AEBP2: variants seen among roughly 807,000 people sequenced by gnomAD.
The protein encoded by AEBP2 is zinc finger protein AEBP2.
AEBP2 carries 10 observed loss-of-function variants against 50.8 expected under a neutral mutation model. That is an observed-to-expected ratio of 0.20 (90% CI 0.12 to 0.33). The LOEUF (loss-of-function observed/expected upper bound fraction) is 0.33. AEBP2 is among the 10% of genes least tolerant of loss of function. The pLI, the probability that AEBP2 is intolerant of heterozygous loss-of-function variation, is 1.00. For synonymous variants in AEBP2, 296 were observed against 261.3 expected (o/e 1.13, Z -1.28); for missense variants, 570 against 688.0 (o/e 0.83, Z 1.92).
chr12:19,508,739 AAAAC>A (rs1949190474), intron 5 of AEBP2, among the ~76,000 whole-genome samples: 1 of 152,226 alleles, frequency 6.6e-6, no homozygotes, highest in Admixed American at 6.5e-5. Context: ...CATTTAAAAT[AAAAC>A]CAACTACAGC....
chr12:19,463,183 C>G (rs1054983509), intron 2 of AEBP2, among the ~76,000 whole-genome samples: 1 of 152,156 alleles, frequency 6.6e-6, no homozygotes, highest in Non-Finnish European at 1.5e-5. Context: ...GAGAATTGAT[C>G]ATCTTTCCCA....
intron 3 of AEBP2, among the ~76,000 whole-genome samples, chr12:19,484,983 A>G (rs1379999014): frequency 6.6e-6 from 1 of 152,158 alleles, no homozygotes; most frequent in Non-Finnish European, 1.5e-5. Flanking sequence ...TCTAATGTGT[A>G]GTTGGTAGTA....
chr12:19,518,005 A>T, intron 7 of AEBP2, 82 bp from the exon 8 acceptor site: 1 of 1,275,784 alleles, frequency 7.8e-7, no homozygotes, highest in Non-Finnish European at 1.1e-6. Context: ...CCTGTATCTT[A>T]TTAATATTTT....
chr12:19,465,026 C>T (rs916115447), intron 2 of AEBP2, among the ~76,000 whole-genome samples: 2 of 152,080 alleles, frequency 1.3e-5, no homozygotes, highest in African/African-American at 4.8e-5. Flanking sequence ...AAAAATCTCC[C>T]ATGTGATTTC....
chr12:19,457,702 T>C (rs1764744466), intron 1 of AEBP2: 3 of 1,114,274 alleles, frequency 2.7e-6, no homozygotes, highest in South Asian at 5.3e-5. Context: ...GCAAACCCAT[T>C]GTGAAAAGAA....
chr12:19,504,352 A>C (rs1949124567), intron 5 of AEBP2, among the ~76,000 whole-genome samples: 1 of 149,952 alleles, frequency 6.7e-6, no homozygotes, highest in African/African-American at 2.5e-5. Context: ...CTCCTGCCTC[A>C]GCCTCCCGAG....
Position 19,439,549 on chromosome 12 carries a change from G to A in AEBP2, c.-151G>A. The A allele has an allele frequency of 9.8e-7, 1 of 1,024,690 alleles. No homozygotes were observed. The highest frequency in any genetic ancestry group is 1.3e-6 in the Non-Finnish European group (1 of 741,454). 63.5% of individuals were successfully genotyped at this position (1,024,690 alleles called of 1,614,324 possible). On this transcript the variant is annotated 5_prime_UTR_variant, in exon 1 of 8. It adds an upstream start codon to the 5' untranslated region. Coordinates refer to ENST00000266508, the MANE Select transcript of AEBP2 (RefSeq NM_153207.5). Reference sequence around the variant, plus strand: ...TGTCCCCGCGCGGGCTCCGTAGCGCGTGTGCAGGCTGACGCAGCTCGCGGG... The same window carrying A: ...TGTCCCCGCGCGGGCTCCGTAGCGCATGTGCAGGCTGACGCAGCTCGCGGG...
In AEBP2 at chr12:19,433,978, C is replaced by T. The variant is rs185724902; in HGVS notation, c.-16-28532C>T. On this transcript the variant is annotated intron_variant, in intron 1 of 3. Coordinates refer to the AEBP2 transcript ENST00000538425. The stretch of plus-strand genomic sequence containing the variant: ...TCCTCTGCCTCAGCCTCCCTAGTAG[C>T]CGGGACTACAGGCACACGCCACCAT... Among the ~76,000 whole-genome samples the T allele has an allele frequency of 2.4e-3, 371 of 151,900 alleles. 1 individual carries two copies. The highest frequency in any genetic ancestry group is 7.8e-3 in the African/African-American group (325 of 41,446).
chr12:19,516,184 A>G (rs1420165102), intron 7 of AEBP2, among the ~76,000 whole-genome samples: 1 of 152,232 alleles, frequency 6.6e-6, no homozygotes, highest in African/African-American at 2.4e-5. Context: ...AAGGAGAAGA[A>G]GATTGAGAGT....
rs181554175 is a variant in AEBP2 at position 19,422,589 on chromosome 12, C to T, written c.-17+18373C>T. Among the ~76,000 whole-genome samples the T allele has an allele frequency of 8.1e-4, 123 of 152,000 alleles. 1 individual carries two copies. The highest frequency in any genetic ancestry group is 2.9e-3 in the African/African-American group (119 of 41,484). On this transcript the variant is annotated intron_variant, in intron 1 of 3. Coordinates refer to the AEBP2 transcript ENST00000538425. Reference sequence around the variant, plus strand: ...TTGGCTCACTGCAACGTCCACCTCCCGGATTCAAGCGATTCTCCTGCCTCA... The same window carrying T: ...TTGGCTCACTGCAACGTCCACCTCCTGGATTCAAGCGATTCTCCTGCCTCA...
chr12:19,468,201 T>C (rs1368619318), intron 2 of AEBP2, among the ~76,000 whole-genome samples: 1 of 150,556 alleles, frequency 6.6e-6, no homozygotes, highest in Non-Finnish European at 1.5e-5. Context: ...TCCAAGCTAG[T>C]CTTACTATGT....
Position 19,439,548 on chromosome 12 carries a change from C to T in AEBP2, c.-152C>T, listed in dbSNP as rs1947901186. The T allele has an allele frequency of 4.0e-6, 4 of 1,011,778 alleles. No individual in the cohort carries two copies. The highest frequency in any genetic ancestry group is 5.5e-6 in the Non-Finnish European group (4 of 729,720). The allele number at this position is 1,011,778 out of a possible 1,614,324, so 62.7% of individuals were successfully genotyped here. A position where few individuals can be genotyped will look rare whatever the true frequency, so the allele number is the denominator to read the frequency against. ...CTGTCCCCGCGCGGGCTCCGTAGCGCGTGTGCAGGCTGACGCAGCTCGCGG... is the reference window on the plus strand; with the variant it reads ...CTGTCCCCGCGCGGGCTCCGTAGCGTGTGTGCAGGCTGACGCAGCTCGCGG... On this transcript the variant is annotated 5_prime_UTR_variant, in exon 1 of 8. Transcript: ENST00000266508.
intron 4 of AEBP2, among the ~76,000 whole-genome samples, chr12:19,496,750 C>T (rs907793804): frequency 3.3e-5 from 5 of 151,320 alleles, no homozygotes; most frequent in African/African-American, 9.7e-5. Context: ...CAGCCTCGAC[C>T]TCCTGGGCTC....
intron 1 of AEBP2, among the ~76,000 whole-genome samples, chr12:19,433,057 T>C (rs1218439297): frequency 5.3e-5 from 8 of 151,986 alleles, no homozygotes; most frequent in Non-Finnish European, 1.2e-4. Context: ...TGTAGAACAG[T>C]GATTCTCAAT....
intron 1 of AEBP2, among the ~76,000 whole-genome samples, chr12:19,425,274 G>A (rs1481388706): frequency 1.3e-5 from 2 of 152,160 alleles, no homozygotes; most frequent in African/African-American, 4.8e-5. Flanking sequence ...AGAGATTACT[G>A]CTAATAAATT....
chr12:19,462,460 C>CA (rs1360966713), intron 1 of AEBP2, 50 bp from the exon 2 acceptor site: 2 of 1,414,070 alleles, frequency 1.4e-6, no homozygotes, highest in Non-Finnish European at 2.0e-6. Flanking sequence ...AGATCATATT[C>CA]ATGTTAGTGA....
chr12:19,407,119 T>C (rs1172756346), intron 1 of AEBP2, among the ~76,000 whole-genome samples: 1 of 152,026 alleles, frequency 6.6e-6, no homozygotes, highest in African/African-American at 2.4e-5. Flanking sequence ...ATGAACAACA[T>C]AGCGAAACCC....
intron 2 of AEBP2, among the ~76,000 whole-genome samples, chr12:19,463,017 G>T (rs1948405020): frequency 6.6e-6 from 1 of 152,156 alleles, no homozygotes; most frequent in Non-Finnish European, 1.5e-5. Context: ...CTGATGTTTT[G>T]AGTTGAGAAC....
intron 4 of AEBP2, among the ~76,000 whole-genome samples, chr12:19,497,835 G>A (rs956800260): frequency 1.3e-5 from 2 of 152,122 alleles, no homozygotes; most frequent in Admixed American, 6.5e-5. Flanking sequence ...CAGTCTTAAC[G>A]TATGTAATTT....
Sources: gnomAD v4.1 joint callset for allele counts (sites outside exome capture counted in the v4.1 genomes callset) on GRCh38, gnomAD v4.1.1 for gene constraint, MANE v1.5 for transcripts, NCBI Gene and HGNC (gene_info 2026-07-23, HGNC 2026-07-21) for gene names.